Variants in KIAA0825 observed in about 807,000 individuals in gnomAD.
KIAA0825 encodes KIAA0825, also known as uncharacterized protein KIAA0825.
Under a neutral mutation model 147.6 loss-of-function variants are expected in KIAA0825, and 119 were observed. The ratio of observed to expected loss-of-function variants is 0.81; its 90% CI spans 0.69 to 0.94. The LOEUF (loss-of-function observed/expected upper bound fraction) is 0.94, where lower values mean the gene tolerates loss of function less well. KIAA0825 is among the 40% of genes least tolerant of loss of function. KIAA0825 has a pLI of 0.00. For missense variants in KIAA0825, 1,381 were observed against 1,472.7 expected (o/e 0.94, Z 1.02); for synonymous variants, 470 against 518.1 (o/e 0.91, Z 1.26).
intron 6 of KIAA0825, 91 bp from the exon 7 acceptor site, chr5:94,477,296 A>G (rs537723033): frequency 2.1e-4 from 182 of 847,760 alleles, no homozygotes; most frequent in East Asian, 5.3e-4. Flanking sequence ...AATATTAACT[A>G]CGTAGAAAAG....
chr5:94,538,477 C>T (rs926498743), intron 2 of KIAA0825, among the ~76,000 whole-genome samples: 11 of 152,162 alleles, frequency 7.2e-5, no homozygotes, highest in African/African-American at 1.9e-4. Context: ...TACCTGGCTG[C>T]GAAGGTGTCT....
chr5:94,215,293 A>C (rs533678992), intron 20 of KIAA0825, among the ~76,000 whole-genome samples: 2 of 152,222 alleles, frequency 1.3e-5, no homozygotes, highest in Admixed American at 1.3e-4. Context: ...CCAAGTGTGC[A>C]TAATGCAGAA....
intron 20 of KIAA0825, among the ~76,000 whole-genome samples, chr5:94,194,011 C>T (rs1223340735): frequency 1.3e-5 from 2 of 152,182 alleles, no homozygotes; most frequent in African/African-American, 4.8e-5. Flanking sequence ...AGAGCAGAAT[C>T]ATGATCACCT....
intron 20 of KIAA0825, among the ~76,000 whole-genome samples, chr5:94,224,082 C>CTTTTTTTTTTTTTTTTTTTTTTTTTTT (rs869059424): frequency 4.6e-4 from 26 of 56,434 alleles, no homozygotes; most frequent in Middle Eastern, 0.016. Context: ...TTTTTCTTTT[C>CTTTTTTTTTTTTTTTTTTTTTTTTTTT]TTTTTTTTTT....
In KIAA0825 at chr5:94,573,388, A is replaced by G. The variant is rs548986860; in HGVS notation, c.-2+9045T>C. Among the ~76,000 whole-genome samples the G allele has an allele frequency of 3.4e-5, 5 of 148,634 alleles. No individual in the cohort carries two copies. The South Asian group carries it at 1.0e-3, about 31-fold the overall frequency. ...CAGGTTCAAGGAATTCTCCTGTTTC[A>G]GCCTCCCTAGTAGCTGGGACTACAG... On this transcript the variant is annotated intron_variant, in intron 2 of 20. Transcript: ENST00000682413.
intron 1 of KIAA0825, among the ~76,000 whole-genome samples, chr5:94,608,736 T>C (rs939250647): frequency 2.0e-5 from 3 of 150,926 alleles, no homozygotes; most frequent in African/African-American, 7.3e-5. Context: ...CAGACCGTAT[T>C]TGTTGCCAAT....
chr5:94,234,149 G>A (rs533555510), intron 20 of KIAA0825, among the ~76,000 whole-genome samples: 123 of 152,064 alleles, frequency 8.1e-4, no homozygotes, highest in African/African-American at 2.7e-3. Flanking sequence ...GGTGGATCAC[G>A]AGGTCAGGAG....
At chr5:94,497,488 C>T (rs1434526618) in intron 5 of KIAA0825, among the ~76,000 whole-genome samples, 1 of 152,148 alleles carries the variant, frequency 6.6e-6, no homozygotes, top group Non-Finnish European at 1.5e-5. Context: ...ACGAATACTA[C>T]AATTTACCTC....
At chr5:94,415,564 T>C (rs1420296016) in intron 15 of KIAA0825, 1 of 152,166 alleles carries the variant, frequency 6.6e-6, no homozygotes, top group Non-Finnish European at 1.5e-5. Context: ...CAGACCCTCA[T>C]AACCACTGCA....
At chr5:94,332,015 A>G (rs1781316236) in intron 20 of KIAA0825, among the ~76,000 whole-genome samples, 1 of 151,636 alleles carries the variant, frequency 6.6e-6, no homozygotes, top group Non-Finnish European at 1.5e-5. Context: ...TACAAAAATT[A>G]CCCAGGCACA....
chr5:94,560,425 C>T (rs2152288905), intron 2 of KIAA0825, among the ~76,000 whole-genome samples: 2 of 152,288 alleles, frequency 1.3e-5, no homozygotes, highest in East Asian at 3.9e-4. Context: ...TACCTAATTG[C>T]CCTGTTTCTT....
intron 20 of KIAA0825, among the ~76,000 whole-genome samples, chr5:94,236,060 A>C (rs1182403159): frequency 2.0e-5 from 3 of 152,232 alleles, no homozygotes; most frequent in Non-Finnish European, 4.4e-5. Context: ...TCTGTAGCCC[A>C]TGGAACAAGG....
At chr5:94,557,155 C>T (rs1306677702) in intron 2 of KIAA0825, among the ~76,000 whole-genome samples, 1 of 151,990 alleles carries the variant, frequency 6.6e-6, no homozygotes, top group African/African-American at 2.4e-5. Flanking sequence ...GCTCTGTTGC[C>T]CAGGCCTAAG....
chr5:94,392,570 T>C (rs554167421), intron 17 of KIAA0825, among the ~76,000 whole-genome samples: 4 of 152,238 alleles, frequency 2.6e-5, no homozygotes, highest in Non-Finnish European at 5.9e-5. Context: ...ATTGGGATCA[T>C]GCTACACTTT....
At chr5:94,603,893 T>G (rs886889173) in intron 1 of KIAA0825, among the ~76,000 whole-genome samples, 3 of 152,220 alleles carry the variant, frequency 2.0e-5, no homozygotes, top group African/African-American at 2.4e-5. Context: ...TGAATATATA[T>G]GCAACCAACA....
At position 94,464,848 on chromosome 5, in the gene KIAA0825, G is replaced by A. The variant is rs7736403; in HGVS notation, c.2063+21C>T. On this transcript the variant is annotated intron_variant, in intron 11 of 20. Coordinates refer to ENST00000682413, the MANE Select transcript of KIAA0825 (RefSeq NM_001145678.3). ...ATGAAAAGTTTTCTTGAAAAGCAAT[G>A]TTTTTCAGAACTTCAATTACCTTAA... 7,476 of 1,534,190 alleles carry A rather than the reference G, an allele frequency of 4.9e-3. 343 individuals carry two copies. In the African/African-American group the frequency reaches 0.092, roughly 19 times the overall value.
chr5:94,371,682 T>G (rs1396356439), intron 20 of KIAA0825, among the ~76,000 whole-genome samples: 1 of 152,164 alleles, frequency 6.6e-6, no homozygotes, highest in Non-Finnish European at 1.5e-5. Flanking sequence ...GGGGGAATTA[T>G]GGAAACTAAA....
At chr5:94,539,641 G>A (rs144781569) in intron 2 of KIAA0825, among the ~76,000 whole-genome samples, 1,990 of 152,160 alleles carry the variant, frequency 0.013, 33 homozygotes, top group African/African-American at 0.035. Context: ...GGGGTACCCG[G>A]GTAAATAATG....
intron 5 of KIAA0825, among the ~76,000 whole-genome samples, chr5:94,496,457 C>A (rs1358948023): frequency 6.6e-6 from 1 of 152,036 alleles, no homozygotes; most frequent in Non-Finnish European, 1.5e-5. Context: ...AGAAAGAATG[C>A]AAAACAGAGA....
Sources: gnomAD v4.1 joint callset for allele counts (sites outside exome capture counted in the v4.1 genomes callset) on GRCh38, gnomAD v4.1.1 for gene constraint, MANE v1.5 for transcripts, NCBI Gene and HGNC (gene_info 2026-07-23, HGNC 2026-07-21) for gene names.